ARB2A: variants seen among roughly 807,000 people sequenced by gnomAD.
The protein encoded by ARB2A is cotranscriptional regulator ARB2A.
chr5:93,705,918 A>T, the ARB2A span, among the ~76,000 whole-genome samples: 1 of 152,142 alleles, frequency 6.6e-6, no homozygotes, highest in Non-Finnish European at 1.5e-5. Flanking sequence ...TTAACGTATA[A>T]TGCCCTTTTC....
the ARB2A span, among the ~76,000 whole-genome samples, chr5:93,944,586 AAGAGG>A: frequency 6.6e-6 from 1 of 150,856 alleles, no homozygotes; most frequent in Non-Finnish European, 1.5e-5. Flanking sequence ...ATGAAAAGAA[AAGAGG>A]AGAGGAGAGG....
At chr5:93,787,180 T>G in the ARB2A span, among the ~76,000 whole-genome samples, 1 of 152,174 alleles carries the variant, frequency 6.6e-6, no homozygotes, top group African/African-American at 2.4e-5. Flanking sequence ...GTAAAAAAGA[T>G]AAGACCATGT....
chr5:93,758,377 T>C, the ARB2A span, among the ~76,000 whole-genome samples: 1 of 152,152 alleles, frequency 6.6e-6, no homozygotes, highest in South Asian at 2.1e-4. Context: ...GGATTTAAAC[T>C]ATACCTTGGA....
the ARB2A span, among the ~76,000 whole-genome samples, chr5:93,940,686 G>A: frequency 6.6e-6 from 1 of 151,888 alleles, no homozygotes; most frequent in Non-Finnish European, 1.5e-5. Context: ...TCACATGTAT[G>A]ACATTATTTT....
At chr5:93,980,563 C>T in the ARB2A span, among the ~76,000 whole-genome samples, 5 of 152,272 alleles carry the variant, frequency 3.3e-5, no homozygotes, top group East Asian at 9.7e-4. Context: ...CCTATTAATA[C>T]ATGCTAAACA....
the ARB2A span, among the ~76,000 whole-genome samples, chr5:93,683,993 G>T: frequency 6.6e-6 from 1 of 151,992 alleles, no homozygotes; most frequent in Non-Finnish European, 1.5e-5. Context: ...ATTATGTCTA[G>T]TACTTGCATT....
the ARB2A span, among the ~76,000 whole-genome samples, chr5:93,870,110 C>T: frequency 6.6e-6 from 1 of 152,316 alleles, no homozygotes; most frequent in Admixed American, 6.5e-5. Context: ...AAGTGATTCT[C>T]CACGGTCTTC....
the ARB2A span, chr5:93,621,183 T>A: frequency 1.3e-6 from 2 of 1,527,330 alleles, no homozygotes; most frequent in Middle Eastern, 2.0e-4. Flanking sequence ...CCAGGCGCGG[T>A]GAGGGCGGCG....
the ARB2A span, among the ~76,000 whole-genome samples, chr5:93,694,694 A>G: frequency 1.8e-4 from 28 of 152,320 alleles, no homozygotes; most frequent in Admixed American, 8.5e-4. Context: ...GCTACTTTAA[A>G]TTTCATATGG....
chr5:93,899,273 C>T, the ARB2A span, among the ~76,000 whole-genome samples: 3 of 152,132 alleles, frequency 2.0e-5, no homozygotes, highest in African/African-American at 2.4e-5. Context: ...TACCTACAAA[C>T]TCTGTCACAT....
chr5:93,821,275 C>T, the ARB2A span, among the ~76,000 whole-genome samples: 41 of 152,044 alleles, frequency 2.7e-4, 1 homozygote, highest in African/African-American at 9.2e-4. Flanking sequence ...TCAAACACGA[C>T]GCTACAAACT....
At chr5:93,755,634 T>C in the ARB2A span, among the ~76,000 whole-genome samples, 1 of 152,152 alleles carries the variant, frequency 6.6e-6, no homozygotes, top group Non-Finnish European at 1.5e-5. Flanking sequence ...TAAAGGTCTA[T>C]TTGCTGGAGA....
At chr5:93,907,920 C>T in the ARB2A span, among the ~76,000 whole-genome samples, 1 of 151,154 alleles carries the variant, frequency 6.6e-6, no homozygotes, top group Non-Finnish European at 1.5e-5. Flanking sequence ...TTTCGAAAGA[C>T]ATAACAACAT....
chr5:94,107,074 G>A, the ARB2A span, among the ~76,000 whole-genome samples: 1 of 151,660 alleles, frequency 6.6e-6, no homozygotes, highest in African/African-American at 2.4e-5. Context: ...AGTTGGAAAG[G>A]AATAAAAGTT....
the ARB2A span, chr5:94,111,527 G>C: frequency 8.5e-5 from 13 of 152,296 alleles, no homozygotes; most frequent in Admixed American, 8.5e-4. Flanking sequence ...TCTGCCCCCA[G>C]CCACAGGGCT....
the ARB2A span, among the ~76,000 whole-genome samples, chr5:93,840,874 A>G: frequency 6.6e-6 from 1 of 152,158 alleles, no homozygotes; most frequent in Admixed American, 6.6e-5. Flanking sequence ...CCTTTAAATC[A>G]TATGTATTAA....
the ARB2A span, among the ~76,000 whole-genome samples, chr5:93,795,768 C>T: frequency 6.6e-6 from 1 of 151,778 alleles, no homozygotes; most frequent in Non-Finnish European, 1.5e-5. Context: ...ACCATATTAA[C>T]CCACTAAATG....
chr5:93,875,021 G>C, the ARB2A span, among the ~76,000 whole-genome samples: 1 of 152,084 alleles, frequency 6.6e-6, no homozygotes, highest in African/African-American at 2.4e-5. Flanking sequence ...TGCTATATCA[G>C]GTTTGAGTTT....
the ARB2A span, among the ~76,000 whole-genome samples, chr5:93,831,803 G>A: frequency 1.3e-5 from 2 of 152,268 alleles, no homozygotes; most frequent in East Asian, 1.9e-4. Context: ...CTCCACAGTC[G>A]ATGGAGATAA....
Sources: gnomAD v4.1 joint callset for allele counts (sites outside exome capture counted in the v4.1 genomes callset) on GRCh38, gnomAD v4.1.1 for gene constraint, MANE v1.5 for transcripts, NCBI Gene and HGNC (gene_info 2026-07-23, HGNC 2026-07-21) for gene names.